Variants in NTM observed in about 807,000 individuals in gnomAD.
NTM encodes neurotrimin.
In NTM, 13 loss-of-function variants were observed where a neutral mutation model predicts 42.1. The observed-to-expected ratio is 0.31, with a 90% CI of 0.20 to 0.49. The LOEUF (loss-of-function observed/expected upper bound fraction) is 0.49, where lower values mean the gene tolerates loss of function less well. Ranked by LOEUF, NTM falls within the 20% of genes least tolerant of loss-of-function variation. The pLI, the probability that NTM is intolerant of heterozygous loss-of-function variation, is 0.99. For missense variants in NTM, 373 were observed against 452.8 expected, an observed-to-expected ratio of 0.82 and a Z score of 1.60; for synonymous variants, 187 against 179.2, an observed-to-expected ratio of 1.04 and a Z score of -0.35.
rs567723794 is a variant in NTM at position 132,169,320 on chromosome 11, C to CTTTTTTTTTTTTTTTTTTTTTTTTTTT, written c.400+22812_400+22838dup. On this transcript the variant is annotated intron_variant, in intron 3 of 8. Coordinates refer to ENST00000683400, the MANE Select transcript of NTM (RefSeq NM_001352005.2). ...GTGATATCTAGGTTTAATTTTTTTA[C>CTTTTTTTTTTTTTTTTTTTTTTTTTTT]TTTTTTTTTTTTTTTTTTTTTTTTT... Among the ~76,000 whole-genome samples, 3 of 32,372 alleles carry CTTTTTTTTTTTTTTTTTTTTTTTTTTT rather than the reference C, an allele frequency of 9.3e-5. 1 individual carries two copies. The highest frequency in any genetic ancestry group is 1.2e-4 in the African/African-American group (1 of 8,670). The allele number at this position is 32,372 out of a possible 152,430, so 21.2% of individuals were successfully genotyped here. A position where few individuals can be genotyped will look rare whatever the true frequency, so the allele number is the denominator to read the frequency against.
intron 1 of NTM, among the ~76,000 whole-genome samples, chr11:131,752,183 A>G (rs2082643499): frequency 6.6e-6 from 1 of 152,200 alleles, no homozygotes. Context: ...TGCTAGAACC[A>G]CTTTGAAAAG....
chr11:131,516,827 ACT>A (rs2048954999), intron 1 of NTM, among the ~76,000 whole-genome samples: 1 of 151,888 alleles, frequency 6.6e-6, no homozygotes, highest in Non-Finnish European at 1.5e-5. Context: ...TCTCTGTTTC[ACT>A]CTCATCCTTA....
At chr11:131,423,308 G>A (rs1361471451) in intron 1 of NTM, among the ~76,000 whole-genome samples, 1 of 152,158 alleles carries the variant, frequency 6.6e-6, no homozygotes, top group African/African-American at 2.4e-5. Flanking sequence ...CCAACTAAGT[G>A]TCTGATAGGG....
At chr11:131,418,871 A>C (rs1011220940) in intron 1 of NTM, among the ~76,000 whole-genome samples, 2 of 152,308 alleles carry the variant, frequency 1.3e-5, no homozygotes, top group South Asian at 2.1e-4. Context: ...CCTGTACTCC[A>C]CACCAAATCT....
chr11:132,020,777 C>A (rs1403194981), intron 2 of NTM, among the ~76,000 whole-genome samples: 1 of 152,028 alleles, frequency 6.6e-6, no homozygotes, highest in African/African-American at 2.4e-5. Flanking sequence ...CAGTGTTCCC[C>A]TATAATTTTT....
At chr11:132,091,955 C>CT (rs1272440849) in intron 2 of NTM, among the ~76,000 whole-genome samples, 1 of 152,350 alleles carries the variant, frequency 6.6e-6, no homozygotes, top group East Asian at 1.9e-4. Context: ...AGTATACCAT[C>CT]ATACGAGAGC....
At chr11:131,851,194 T>C (rs183462416) in intron 1 of NTM, among the ~76,000 whole-genome samples, 1 of 152,174 alleles carries the variant, frequency 6.6e-6, no homozygotes, top group Admixed American at 6.5e-5. Context: ...TAACTAAAAG[T>C]ATGAAGTATA....
Position 131,396,414 on chromosome 11 carries a change from C to T in NTM, c.82+25526C>T, listed in dbSNP as rs1237400715. Among the ~76,000 whole-genome samples the T allele has an allele frequency of 2.0e-5, 3 of 152,174 alleles. No individual in the cohort carries two copies. The East Asian group carries it at 5.8e-4, about 29-fold the overall frequency. On this transcript the variant is annotated intron_variant, in intron 1 of 8. Transcript: ENST00000683400. ...TGACCTCCTGCTCTGCAGCCTTCAT[C>T]CCCGTGGATGTGTACACCTTCACAC...
chr11:131,789,488 AAGAGGAAAGAAGAAG>A lies in NTM; in HGVS notation c.83-122074_83-122060del, dbSNP rs1319903783. Among the ~76,000 whole-genome samples the A allele has an allele frequency of 3.7e-3, 39 of 10,438 alleles. 18 individuals carry two copies. The highest frequency in any genetic ancestry group is 5.5e-3 in the Admixed American group (4 of 730). The allele number at this position is 10,438 out of a possible 152,430, so 6.8% of individuals were successfully genotyped here. On this transcript the variant is annotated intron_variant, in intron 1 of 8. Transcript: ENST00000683400. The stretch of plus-strand genomic sequence containing the variant: ...GAAGAAGAAGAAGAAGAAGAAGAAG[AAGAGGAAAGAAGAAG>A]AAGAAGAAGAAGAAGAAGAAGAAGA...
chr11:131,830,181 T>C (rs1317076459), intron 1 of NTM, among the ~76,000 whole-genome samples: 1 of 152,224 alleles, frequency 6.6e-6, no homozygotes, highest in Non-Finnish European at 1.5e-5. Context: ...TTCATTTGAT[T>C]AAGTTCCACT....
chr11:132,124,622 T>C (rs11826911), intron 2 of NTM, among the ~76,000 whole-genome samples: 30,559 of 152,200 alleles, frequency 0.2, 3,218 homozygotes, highest in East Asian at 0.27. Flanking sequence ...TGTGTGTGTG[T>C]GCGCGCGCAC....
intron 1 of NTM, among the ~76,000 whole-genome samples, chr11:131,828,285 C>A (rs770704904): frequency 1.3e-5 from 2 of 152,154 alleles, no homozygotes; most frequent in Non-Finnish European, 2.9e-5. Context: ...ACCACGACCA[C>A]TTTCACTATT....
intron 1 of NTM, among the ~76,000 whole-genome samples, chr11:131,451,146 C>T (rs775505390): frequency 3.2e-4 from 49 of 152,026 alleles, no homozygotes; most frequent in Non-Finnish European, 4.7e-4. Flanking sequence ...GTATACATGC[C>T]AAGAAAGAAA....
At chr11:131,938,592 G>A (rs545490367) in intron 2 of NTM, among the ~76,000 whole-genome samples, 83 of 152,304 alleles carry the variant, frequency 5.4e-4, no homozygotes, top group African/African-American at 2.0e-3. Flanking sequence ...GAATGGCTTG[G>A]TCATGTGTAT....
At chr11:131,887,313 A>C (rs1278774799) in intron 1 of NTM, among the ~76,000 whole-genome samples, 2 of 152,226 alleles carry the variant, frequency 1.3e-5, no homozygotes, top group Non-Finnish European at 2.9e-5. Context: ...AGAAAATGAA[A>C]AGACTGAGTG....
At chr11:131,931,259 C>T (rs1179586746) in intron 2 of NTM, among the ~76,000 whole-genome samples, 1 of 151,738 alleles carries the variant, frequency 6.6e-6, no homozygotes, top group Non-Finnish European at 1.5e-5. Context: ...CCAGCCTGGG[C>T]AAAACCCTGT....
chr11:131,660,451 C>T (rs1202443759), intron 1 of NTM: 2 of 456,870 alleles, frequency 4.4e-6, no homozygotes, highest in South Asian at 1.6e-5. Context: ...CCAGAAGCCA[C>T]CAGGTGGAAA....
intron 8 of NTM, among the ~76,000 whole-genome samples, chr11:132,330,920 T>G (rs556573136): frequency 1.3e-5 from 2 of 152,336 alleles, no homozygotes; most frequent in South Asian, 4.1e-4. Context: ...AGCACTGGCT[T>G]TGAGAGGGCC....
At chr11:131,833,985 C>CAG (rs1211491185) in intron 1 of NTM, among the ~76,000 whole-genome samples, 1 of 152,172 alleles carries the variant, frequency 6.6e-6, no homozygotes, top group Admixed American at 6.5e-5. Flanking sequence ...ACTCAGGACT[C>CAG]ATCTAAGTTC....
Sources: gnomAD v4.1 joint callset for allele counts (sites outside exome capture counted in the v4.1 genomes callset) on GRCh38, gnomAD v4.1.1 for gene constraint, MANE v1.5 for transcripts, NCBI Gene and HGNC (gene_info 2026-07-23, HGNC 2026-07-21) for gene names.